The following RETREG1 variants were observed in gnomAD, a reference collection of about 807,000 sequenced individuals.
RETREG1 encodes the protein reticulophagy regulator 1, also known as family with sequence similarity 134 member B.
In RETREG1, 44 loss-of-function variants were observed where a neutral mutation model predicts 54.8. The observed-to-expected ratio is 0.80, with a 90% confidence interval of 0.63 to 1.03. The LOEUF is 1.03. Ranked by LOEUF, RETREG1 falls within the 50% of genes least tolerant of loss-of-function variation. The probability of loss-of-function intolerance (pLI) is 0.00; values close to 1 mark genes in which losing one functional copy is unlikely to be tolerated. For missense variants in RETREG1, 554 were observed against 605.1 expected, an observed-to-expected ratio of 0.92 and a Z score of 0.89; for synonymous variants, 217 against 238.5, an observed-to-expected ratio of 0.91 and a Z score of 0.83.
rs139593781 is a variant in RETREG1 at position 16,496,786 on chromosome 5, A to G, written c.459-13314T>C. Among the ~76,000 whole-genome samples, 1,414 of 152,366 alleles carry G rather than the reference A, an allele frequency of 9.3e-3. 15 individuals carry two copies. The highest frequency in any genetic ancestry group is 0.015 in the Non-Finnish European group (987 of 68,034). On this transcript the variant is annotated intron_variant, in intron 3 of 8. Coordinates refer to ENST00000306320, the MANE Select transcript of RETREG1 (RefSeq NM_001034850.3). The stretch of plus-strand genomic sequence containing the variant: ...AATAAACACAACTGACTCAGCAAGC[A>G]CACAACTCAAATGGTAGAAGCCATT...
rs143878016 is a variant in RETREG1, at chr5:16,481,072, C to T, written c.607G>A (p.Val203Met). ...CCCAAGATCGTAAAAAATGTGCACA[C>T]ACTACAGACCAGGAGACAAAACTGG... The part of the protein sequence containing the change: ...PGKFCLLVCS[V>M]CTFFTILGSY... Residue 203 changes from valine to methionine, a missense_variant, in exon 5 of 9, where the codon GTG becomes ATG. This residue lies in a region of RETREG1 where 347 missense variants were observed against 412.3 expected (regional missense o/e 0.84). Coordinates refer to ENST00000306320, the MANE Select transcript of RETREG1 (RefSeq NM_001034850.3). 4.6e-3 allele frequency: 7,416 copies of T among 1,611,312 alleles called. 19 individuals carry two copies. Among genetic ancestry groups the T allele is most frequent in the Non-Finnish European group, 5.4e-3 (6,413 of 1,178,004 alleles).
chr5:16,496,364 C>T (rs931909178), intron 3 of RETREG1, among the ~76,000 whole-genome samples: 1 of 152,196 alleles, frequency 6.6e-6, no homozygotes, highest in African/African-American at 2.4e-5. Context: ...TCTCATTGCT[C>T]AGACACTGTC....
chr5:16,566,803 T>G (rs1196098822), intron 2 of RETREG1, among the ~76,000 whole-genome samples: 2 of 152,242 alleles, frequency 1.3e-5, no homozygotes, highest in African/African-American at 4.8e-5. Flanking sequence ...TTGAACAGTT[T>G]TGTGCTTATG....
intron 3 of RETREG1, among the ~76,000 whole-genome samples, chr5:16,546,582 C>T (rs1188424390): frequency 6.6e-6 from 1 of 152,206 alleles, no homozygotes; most frequent in Non-Finnish European, 1.5e-5. Context: ...ATGCTTATAA[C>T]AGGTGGTTAG....
intron 1 of RETREG1, among the ~76,000 whole-genome samples, chr5:16,604,854 C>T (rs1743142075): frequency 1.3e-5 from 2 of 152,234 alleles, no homozygotes; most frequent in African/African-American, 4.8e-5. Flanking sequence ...AAATACTGCA[C>T]AGCTGCATGC....
chr5:16,481,030 C>A lies in RETREG1; in HGVS notation c.649G>T (p.Val217Phe), dbSNP rs866566794. Reference sequence around the variant, plus strand: ...TTACACAGTAGATAGCTGAGTATAACCCCAGGAATGTAACTTCCCAAGATC... The same window carrying A: ...TTACACAGTAGATAGCTGAGTATAAACCCAGGAATGTAACTTCCCAAGATC... Reference protein sequence around the residue: ...FTILGSYIPGVILSYLLLLCA... With the variant: ...FTILGSYIPGFILSYLLLLCA... Residue 217 changes from valine (V) to phenylalanine (F), a missense_variant, in exon 5 of 9, where the codon GTT becomes TTT. Physicochemically the swap from Val to Phe is conservative, Grantham distance 50. Around this residue, in one of 4 missense-constraint regions of RETREG1, gnomAD observed 347 missense variants for 412.3 expected, o/e 0.84. Coordinates refer to ENST00000306320, the MANE Select transcript of RETREG1 (RefSeq NM_001034850.3). 6.2e-7 allele frequency: 1 copy of A among 1,611,406 alleles called. No individual in the cohort carries two copies. The highest frequency in any genetic ancestry group is 8.5e-7 in the Non-Finnish European group (1 of 1,177,994).
At chr5:16,537,233 G>A (rs1206250926) in intron 3 of RETREG1, among the ~76,000 whole-genome samples, 4 of 152,348 alleles carry the variant, frequency 2.6e-5, no homozygotes, top group Admixed American at 6.5e-5. Flanking sequence ...TGTATTAAAA[G>A]TGGAGAAATG....
Position 16,579,255 on chromosome 5 carries a change from G to A in RETREG1, c.321-7153C>T, listed in dbSNP as rs190603742. ...TCCTGTATCCCTTCAGGAAGGGATC[G>A]TCATTAAACCTATTTTACAGAAGAG... On this transcript the variant is annotated intron_variant, in intron 1 of 8. Transcript: ENST00000306320. Among the ~76,000 whole-genome samples the A allele has an allele frequency of 3.5e-3, 538 of 152,272 alleles. 1 individual carries two copies. The highest frequency in any genetic ancestry group is 8.2e-3 in the Admixed American group (126 of 15,288).
intron 3 of RETREG1, among the ~76,000 whole-genome samples, chr5:16,533,850 C>T (rs991908021): frequency 6.6e-6 from 1 of 152,190 alleles, no homozygotes; most frequent in Non-Finnish European, 1.5e-5. Flanking sequence ...GAGCCTTCAC[C>T]ACTGCTATTT....
Position 16,475,641 on chromosome 5 carries a change from A to G in RETREG1, c.1001-407T>C, listed in dbSNP as rs532561863. ...TGTACATGAAATTTAAAATACTATAATAAGTTTCCTTGGGTTTTGGTTAAT... is the reference window on the plus strand; with the variant it reads ...TGTACATGAAATTTAAAATACTATAGTAAGTTTCCTTGGGTTTTGGTTAAT... On this transcript the variant is annotated intron_variant, in intron 8 of 8. Coordinates refer to ENST00000306320, the MANE Select transcript of RETREG1 (RefSeq NM_001034850.3). 5.9e-5 allele frequency among the ~76,000 whole-genome samples: 9 copies of G among 152,300 alleles called. No individual in the cohort carries two copies. The South Asian group carries it at 1.0e-3, about 18-fold the overall frequency.
intron 3 of RETREG1, among the ~76,000 whole-genome samples, chr5:16,533,414 C>T (rs980028121): frequency 6.6e-6 from 1 of 152,160 alleles, no homozygotes; most frequent in Non-Finnish European, 1.5e-5. Context: ...CTAATGACCA[C>T]CCCCATCCTT....
At chr5:16,549,805 C>A (rs915882451) in intron 3 of RETREG1, among the ~76,000 whole-genome samples, 12 of 152,042 alleles carry the variant, frequency 7.9e-5, no homozygotes, top group African/African-American at 2.7e-4. Context: ...TTGAAAATAT[C>A]ACTCATTTTA....
chr5:16,546,111 AAAG>A (rs941307421), intron 3 of RETREG1, among the ~76,000 whole-genome samples: 7 of 152,232 alleles, frequency 4.6e-5, no homozygotes, highest in African/African-American at 1.7e-4. Flanking sequence ...CAAACATGAA[AAAG>A]AAAACAATTT....
chr5:16,475,763 AT>A (rs1445479800), intron 8 of RETREG1, among the ~76,000 whole-genome samples: 2 of 152,180 alleles, frequency 1.3e-5, no homozygotes, highest in Non-Finnish European at 2.9e-5. Context: ...TGCTCCTTCT[AT>A]TCCATATAAC....
chr5:16,527,543 T>C (rs1240950188), intron 3 of RETREG1, among the ~76,000 whole-genome samples: 3 of 152,060 alleles, frequency 2.0e-5, no homozygotes, highest in Non-Finnish European at 4.4e-5. Flanking sequence ...ATTTTAGATG[T>C]CATAGAAGTT....
At chr5:16,556,181 C>CA (rs1741701783) in intron 3 of RETREG1, among the ~76,000 whole-genome samples, 1 of 148,130 alleles carries the variant, frequency 6.8e-6, no homozygotes, top group Admixed American at 6.8e-5. Flanking sequence ...TTTTTGGAGA[C>CA]AGAGTCTCGC....
At chr5:16,577,289 G>GTTT (rs60991994) in intron 1 of RETREG1, among the ~76,000 whole-genome samples, 6 of 141,212 alleles carry the variant, frequency 4.2e-5, no homozygotes, top group African/African-American at 1.6e-4. Context: ...ACTTAGGTTT[G>GTTT]TTTTTTTTTT....
At chr5:16,572,736 A>C (rs190644843) in intron 1 of RETREG1, among the ~76,000 whole-genome samples, 1 of 152,262 alleles carries the variant, frequency 6.6e-6, no homozygotes, top group East Asian at 1.9e-4. Flanking sequence ...AGTGACCTGA[A>C]ACAGAGTTAG....
rs552824210 is a variant in RETREG1 at position 16,546,721 on chromosome 5, AC to A, written c.458+19041del. On this transcript the variant is annotated intron_variant, in intron 3 of 8. Coordinates refer to ENST00000306320, the MANE Select transcript of RETREG1 (RefSeq NM_001034850.3). The stretch of plus-strand genomic sequence containing the variant: ...TTCTTCAGTCATCCCTCCCCCTCCT[AC>A]CTTTTTTCCTGCTTTGTCTTAAAAT... Among the ~76,000 whole-genome samples, 6 of 152,056 alleles carry A rather than the reference AC, an allele frequency of 3.9e-5. 1 individual carries two copies. In the South Asian group the frequency reaches 1.0e-3, roughly 26 times the overall value.
Sources: gnomAD v4.1 joint callset for allele counts (sites outside exome capture counted in the v4.1 genomes callset) on GRCh38, gnomAD v4.1.1 for gene constraint, gnomAD v4.1.1 regional missense constraint, MANE v1.5 for transcripts, NCBI Gene and HGNC (gene_info 2026-07-23, HGNC 2026-07-21) for gene names.